FGL1: variants seen among roughly 807,000 people sequenced by gnomAD.
The protein encoded by FGL1 is fibrinogen-like protein 1.
In FGL1, 59 loss-of-function variants were observed where a neutral mutation model predicts 43.7. That is an observed-to-expected ratio of 1.35 (90% confidence interval 1.10 to 1.68). FGL1 has a LOEUF of 1.68. FGL1 is among the 40% of genes most tolerant of loss of function. The pLI is 0.00. For synonymous variants in FGL1, 192 were observed against 126.5 expected, an observed-to-expected ratio of 1.52 and a Z score of -3.48; for missense variants, 596 against 373.0, an observed-to-expected ratio of 1.60 and a Z score of -4.92.
intron 7 of FGL1, among the ~76,000 whole-genome samples, chr8:17,866,909 G>C (rs1421381344): frequency 4.6e-5 from 7 of 152,170 alleles, no homozygotes; most frequent in Non-Finnish European, 8.8e-5. Flanking sequence ...AGTAGGAACA[G>C]GTGAAGAAGA....
At chr8:17,884,366 T>C (rs1039600935) in intron 2 of FGL1, among the ~76,000 whole-genome samples, 1 of 152,108 alleles carries the variant, frequency 6.6e-6, no homozygotes, top group Admixed American at 6.6e-5. Flanking sequence ...AGCTAATTTT[T>C]GTATTTTTAG....
At chr8:17,895,337 T>C (rs1463103307) in intron 1 of FGL1, 110 bp downstream of exon 1, 3 of 1,163,112 alleles carry the variant, frequency 2.6e-6, no homozygotes, top group African/African-American at 1.6e-5. Context: ...CAACCTGACT[T>C]CTTGCAAAAG....
At chr8:17,865,490 A>T (rs1391474059) in intron 7 of FGL1, among the ~76,000 whole-genome samples, 2 of 152,190 alleles carry the variant, frequency 1.3e-5, no homozygotes, top group African/African-American at 4.8e-5. Context: ...AAACAAACCT[A>T]AATCACCATT....
intron 5 of FGL1, among the ~76,000 whole-genome samples, chr8:17,872,505 G>T (rs1468332891): frequency 6.6e-6 from 1 of 152,060 alleles, no homozygotes; most frequent in African/African-American, 2.4e-5. Flanking sequence ...GTTTCACCAT[G>T]TTGGCCAGGC....
intron 1 of FGL1, among the ~76,000 whole-genome samples, chr8:17,888,802 G>A (rs1450731882): frequency 6.6e-6 from 1 of 152,072 alleles, no homozygotes; most frequent in Admixed American, 6.6e-5. Context: ...AGAAGGCTTA[G>A]AAAATAAACA....
At chr8:17,872,980 A>G (rs2053387601) in intron 5 of FGL1, among the ~76,000 whole-genome samples, 1 of 152,194 alleles carries the variant, frequency 6.6e-6, no homozygotes, top group African/African-American at 2.4e-5. Flanking sequence ...TTAATGTAGG[A>G]TACAGGTGGT....
rs150570432 is a variant in FGL1, at chr8:17,867,173, C to T, written c.779+1375G>A. On this transcript the variant is annotated intron_variant, in intron 7 of 7. Coordinates refer to ENST00000427924, the MANE Select transcript of FGL1 (RefSeq NM_004467.4). ...ACGTTCTAAGACCCCTAGTGGATGC[C>T]TGAAACTACAGATAATACCAAATTC... Among the ~76,000 whole-genome samples, 506 of 152,264 alleles carry T rather than the reference C, an allele frequency of 3.3e-3. 5 individuals carry two copies. Among genetic ancestry groups the T allele is most frequent in the African/African-American group, 0.012 (486 of 41,554 alleles).
At position 17,875,539 on chromosome 8, in the gene FGL1, T is replaced by TTCTCTCTCTC. The variant is rs1563452396; in HGVS notation, c.245-1019_245-1018insGAGAGAGAGA. ...TCTTTCTTTCTTTCTTTCTTTCTCT[T>TTCTCTCTCTC]TCTTTCTTTCTTTCTTTCTTTCTTT... On this transcript the variant is annotated intron_variant, in intron 3 of 7. Transcript: ENST00000427924. 4.8e-4 allele frequency among the ~76,000 whole-genome samples: 7 copies of TTCTCTCTCTC among 14,660 alleles called. 2 individuals are homozygous for TTCTCTCTCTC. Among genetic ancestry groups the TTCTCTCTCTC allele is most frequent in the African/African-American group, 9.8e-4 (5 of 5,126 alleles). The allele number at this position is 14,660 out of a possible 152,430, so 9.6% of individuals were successfully genotyped here.
intron 2 of FGL1, among the ~76,000 whole-genome samples, chr8:17,884,961 A>C (rs920627597): frequency 6.6e-6 from 1 of 152,194 alleles, no homozygotes; most frequent in African/African-American, 2.4e-5. Context: ...TCAAATTTCT[A>C]ATATTCCAAC....
At chr8:17,880,170 C>T (rs1272386000) in intron 3 of FGL1, among the ~76,000 whole-genome samples, 2 of 152,190 alleles carry the variant, frequency 1.3e-5, no homozygotes. Context: ...AGACCACTGG[C>T]TCTGGCCTCT....
At chr8:17,887,854 T>C (rs1251857399) in intron 1 of FGL1, among the ~76,000 whole-genome samples, 1 of 151,602 alleles carries the variant, frequency 6.6e-6, no homozygotes, top group Non-Finnish European at 1.5e-5. Flanking sequence ...AAAAAGTATC[T>C]CTAGACCCAT....
intron 3 of FGL1, among the ~76,000 whole-genome samples, chr8:17,880,766 G>C (rs1181460139): frequency 6.6e-6 from 1 of 152,086 alleles, no homozygotes; most frequent in East Asian, 1.9e-4. Flanking sequence ...GACAATCGTC[G>C]TTTACTCTAA....
At chr8:17,881,340 T>C (rs1197770517) in intron 3 of FGL1, among the ~76,000 whole-genome samples, 1 of 151,702 alleles carries the variant, frequency 6.6e-6, no homozygotes. Flanking sequence ...TTTCACCATA[T>C]TGGCCAGGCT....
chr8:17,876,220 T>C (rs977588928), intron 3 of FGL1, among the ~76,000 whole-genome samples: 7 of 152,234 alleles, frequency 4.6e-5, no homozygotes, highest in Admixed American at 4.6e-4. Flanking sequence ...TTGTAGCATA[T>C]TTTAAAGATG....
At position 17,892,166 on chromosome 8, in the gene FGL1, CA is replaced by C. The variant is rs540865474; in HGVS notation, c.-18+3280del. ...AACTATCTAATTTTAAAATTTATCA[CA>C]AAACTCAAGTAGCATAAAGGAAAAA... On this transcript the variant is annotated intron_variant, in intron 1 of 7. Coordinates refer to ENST00000427924, the MANE Select transcript of FGL1 (RefSeq NM_004467.4). 1.1e-3 allele frequency among the ~76,000 whole-genome samples: 164 copies of C among 151,930 alleles called. 1 individual carries two copies. The highest frequency in any genetic ancestry group is 3.7e-3 in the African/African-American group (155 of 41,428).
intron 2 of FGL1, among the ~76,000 whole-genome samples, chr8:17,882,946 ATATATAATATATAT>A (rs2053564012): frequency 9.8e-6 from 1 of 102,372 alleles, no homozygotes. Context: ...ATATTAAATA[ATATATAATATATAT>A]CATATATAAT....
intron 2 of FGL1, 34 bp from the exon 3 acceptor site, chr8:17,882,213 C>T (rs1383420741): frequency 6.5e-7 from 1 of 1,531,138 alleles, no homozygotes; most frequent in East Asian, 2.3e-5. Context: ...GAGTATGCAC[C>T]TCATTTTCAT....
intron 2 of FGL1, 134 bp from the exon 3 acceptor site, chr8:17,882,313 G>T (rs1324173874): frequency 2.3e-6 from 2 of 869,336 alleles, no homozygotes; most frequent in South Asian, 2.1e-5. Context: ...CAAAGAGAAA[G>T]TGGCTTGAAA....
At chr8:17,868,807 A>G in intron 6 of FGL1, 72 bp from the exon 7 acceptor site, 1 of 1,501,546 alleles carries the variant, frequency 6.7e-7, no homozygotes, top group African/African-American at 1.4e-5. Context: ...TTTATTTCAT[A>G]AACAAAAGAA....
Sources: gnomAD v4.1 joint callset for allele counts (sites outside exome capture counted in the v4.1 genomes callset) on GRCh38, gnomAD v4.1.1 for gene constraint, MANE v1.5 for transcripts, NCBI Gene and HGNC (gene_info 2026-07-23, HGNC 2026-07-21) for gene names.